Variants in TPCN1 observed in about 807,000 individuals in gnomAD.
The protein encoded by TPCN1 is two pore channel protein 1.
In TPCN1, 52 loss-of-function variants were observed where a neutral mutation model predicts 108.8. The ratio of observed to expected loss-of-function variants is 0.48; its 90% CI spans 0.38 to 0.60. The LOEUF is 0.60. Ranked by LOEUF, TPCN1 falls within the 20% of genes least tolerant of loss-of-function variation. The pLI is 0.00. For synonymous variants in TPCN1, 446 were observed against 433.7 expected, an observed-to-expected ratio of 1.03 and a Z score of -0.35; for missense variants, 806 against 1,072.8, an observed-to-expected ratio of 0.75 and a Z score of 3.47.
At chr12:113,262,744 A>G (rs938597179) in intron 3 of TPCN1, among the ~76,000 whole-genome samples, 2 of 152,170 alleles carry the variant, frequency 1.3e-5, no homozygotes, top group Non-Finnish European at 2.9e-5. Context: ...GAACATAGGA[A>G]CTTTAAGGGG....
At chr12:113,249,225 C>T (rs527770406) in intron 2 of TPCN1, among the ~76,000 whole-genome samples, 5 of 152,338 alleles carry the variant, frequency 3.3e-5, no homozygotes, top group South Asian at 4.1e-4. Context: ...ACCGTCTGTG[C>T]GAGAACCGGC....
Position 113,262,748 on chromosome 12 carries a change from T to C in TPCN1, c.237+2256T>C, listed in dbSNP as rs118034352. Among the ~76,000 whole-genome samples the C allele has an allele frequency of 1.1e-4, 16 of 152,242 alleles. 2 individuals are homozygous for C. In the East Asian group the frequency reaches 3.1e-3, roughly 29 times the overall value. On this transcript the variant is annotated intron_variant, in intron 3 of 27. Transcript: ENST00000335509. ...ACATTGGTAATGAACATAGGAACTT[T>C]AAGGGGGCACCTGCTAATCTTTGTA...
At chr12:113,293,220 G>A (rs575074639) in intron 26 of TPCN1, 49 bp from the exon 27 acceptor site, 20 of 1,608,406 alleles carry the variant, frequency 1.2e-5, no homozygotes, top group African/African-American at 5.3e-5. Flanking sequence ...CACCAGGGGT[G>A]GGACCTGAAT....
chr12:113,296,062 C>G lies in TPCN1; in HGVS notation c.2437C>G (p.Gln813Glu). The G allele has an allele frequency of 6.2e-7, 1 of 1,613,118 alleles. No individual in the cohort carries two copies. Among genetic ancestry groups the G allele is most frequent in the Middle Eastern group, 1.7e-4 (1 of 6,018 alleles). The change falls in exon 28 of 28, where the codon CAG (glutamine) becomes GAG (glutamate). Residue 813 changes from glutamine (Q) to glutamate (E), a missense_variant. Physicochemically the swap from Gln to Glu is conservative, Grantham distance 29 (BLOSUM62 2). Transcript: ENST00000335509. ...QQPPGSRQRS[Q>E]TVT ...GCCCCCAGGCAGCCGCCAGCGCTCC[C>G]AGACCGTTACCTAGCCCAGCGCCCG...
Position 113,284,776 on chromosome 12 carries a change from G to T in TPCN1, c.1453+5G>T. The T allele has an allele frequency of 6.2e-7, 1 of 1,614,142 alleles. No homozygotes were observed. Among genetic ancestry groups the T allele is most frequent in the Non-Finnish European group, 8.5e-7 (1 of 1,179,988 alleles). ...GTTACCTCGTCTTTCTAACTAGTAC[G>T]TTTCCGACATGGCTTTGCTGGACTG... On this transcript the variant is annotated splice_donor_5th_base_variant and intron_variant, in intron 17 of 27. Coordinates refer to ENST00000335509, the MANE Select transcript of TPCN1 (RefSeq NM_017901.6). This position sits in a 1 kb window ranked among gnomAD's most constrained non-coding sequence, Gnocchi z 4.1.
rs1956013883 is a variant in TPCN1 at position 113,284,877 on chromosome 12, A to G, written c.1453+106A>G. 1.6e-6 allele frequency: 2 copies of G among 1,272,100 alleles called. No homozygotes were observed. The highest frequency in any genetic ancestry group is 1.8e-5 in the Admixed American group (1 of 56,840). 78.8% of individuals were successfully genotyped at this position (1,272,100 alleles called of 1,614,324 possible). On this transcript the variant is annotated intron_variant, in intron 17 of 27. Coordinates refer to ENST00000335509, the MANE Select transcript of TPCN1 (RefSeq NM_017901.6). The surrounding 1 kb of genome is among the most constrained non-coding windows in gnomAD (Gnocchi z 4.1). ...GTTCTTCTCTAAAACAGGAAGCTAT[A>G]AAGAGACGGAGTAATCAGTCTGATT...
rs200160402 is a variant in TPCN1, at chr12:113,288,120, C to T, written c.1635-43C>T. 1.6e-4 allele frequency: 251 copies of T among 1,567,236 alleles called. No homozygotes were observed. Among genetic ancestry groups the T allele is most frequent in the African/African-American group, 1.1e-4 (8 of 74,240 alleles). On this transcript the variant is annotated intron_variant, in intron 19 of 27. Transcript: ENST00000335509. This position sits in a 1 kb window ranked among gnomAD's most constrained non-coding sequence, Gnocchi z 4.8. Reference sequence around the variant, plus strand: ...CATGTTCTGAGGGCGGGGGCTGAGGCGTGCACCTGTGTGTGGAGGTGACGG... The same window carrying T: ...CATGTTCTGAGGGCGGGGGCTGAGGTGTGCACCTGTGTGTGGAGGTGACGG...
At chr12:113,270,423 T>C (rs1057445502) in intron 7 of TPCN1, among the ~76,000 whole-genome samples, 1 of 152,004 alleles carries the variant, frequency 6.6e-6, no homozygotes, top group African/African-American at 2.4e-5. Context: ...TCTGGCTGTG[T>C]CCTCACGTGG....
chr12:113,266,268 A>G lies in TPCN1; in HGVS notation c.326A>G (p.Tyr109Cys). ...AYLFAHNHLF[Y>C]LMELATALLL... ...CTCTTTGCACACAATCACCTCTTCT[A>G]CCTGATGGAGCTGGCCACGGCCCTG... Residue 109 changes from tyrosine (Y) to cysteine (C), a missense_variant, in exon 4 of 28, where the codon TAC becomes TGC. Transcript: ENST00000335509. The surrounding 1 kb of genome is among the most constrained non-coding windows in gnomAD (Gnocchi z 4.2). 1 of 1,613,808 alleles carries G rather than the reference A, an allele frequency of 6.2e-7. No individual in the cohort carries two copies.
At position 113,291,855 on chromosome 12, in the gene TPCN1, C is replaced by T. The variant is rs369863236; in HGVS notation, c.2029-19C>T. 1.9e-6 allele frequency: 3 copies of T among 1,609,234 alleles called. No homozygotes were observed. Among genetic ancestry groups the T allele is most frequent in the African/African-American group, 2.7e-5 (2 of 74,852 alleles). ...CCCTCCTCCCCTGCCTCTGCCCCTC[C>T]CTCCCTATCCCTGGCCAGGTGGTGA... On this transcript the variant is annotated intron_variant, in intron 24 of 27. Transcript: ENST00000335509.
chr12:113,288,696 G>A lies in TPCN1; in HGVS notation c.1707-62G>A, dbSNP rs1956171087. 2 of 1,599,182 alleles carry A rather than the reference G, an allele frequency of 1.3e-6. No homozygotes were observed. Among genetic ancestry groups the A allele is most frequent in the Non-Finnish European group, 1.7e-6 (2 of 1,176,518 alleles). On this transcript the variant is annotated intron_variant, in intron 20 of 27. Transcript: ENST00000335509. The surrounding 1 kb of genome is among the most constrained non-coding windows in gnomAD (Gnocchi z 4.8). ...AGCCCCACGGGTCCGAGGAGGCCGG[G>A]GCTGCAGAGGAGCCGTTCCCTCCTG... is the stretch of plus-strand genomic sequence containing the variant.
intron 2 of TPCN1, chr12:113,244,418 A>G (rs1410122563): frequency 1.5e-5 from 15 of 985,370 alleles, no homozygotes; most frequent in Non-Finnish European, 1.8e-5. Context: ...AACGTGTGTC[A>G]ATAATGCGGG....
intron 15 of TPCN1, among the ~76,000 whole-genome samples, chr12:113,281,009 G>T (rs1486303540): frequency 6.6e-6 from 1 of 152,018 alleles, no homozygotes; most frequent in Non-Finnish European, 1.5e-5. Context: ...TAAGAATCTA[G>T]ATGTGTAAGA....
In TPCN1 at chr12:113,269,898, G is replaced by T. The variant is rs542525745; in HGVS notation, c.748+53G>T. On this transcript the variant is annotated intron_variant, in intron 7 of 27. Transcript: ENST00000335509. The surrounding 1 kb of genome is among the most constrained non-coding windows in gnomAD (Gnocchi z 5.0). Reference sequence around the variant, plus strand: ...GCGCTGGAAAAGCAAGTTCACGGTGGATGAAAAATTATTTTGGGCCTGGCT... The same window carrying T: ...GCGCTGGAAAAGCAAGTTCACGGTGTATGAAAAATTATTTTGGGCCTGGCT... 3.4e-5 allele frequency: 54 copies of T among 1,588,534 alleles called. No individual in the cohort carries two copies. In the East Asian group the frequency reaches 1.1e-3, roughly 32 times the overall value.
At chr12:113,249,298 T>A (rs1954536018) in intron 2 of TPCN1, among the ~76,000 whole-genome samples, 1 of 152,192 alleles carries the variant, frequency 6.6e-6, no homozygotes, top group African/African-American at 2.4e-5. Flanking sequence ...ATGCTGTCCA[T>A]CAGAAGAGAC....
chr12:113,258,091 A>G (rs1248548028), intron 2 of TPCN1, among the ~76,000 whole-genome samples: 1 of 152,222 alleles, frequency 6.6e-6, no homozygotes, highest in East Asian at 1.9e-4. Flanking sequence ...ACAGATATGC[A>G]CGTAGGTCAA....
At chr12:113,281,478 G>A (rs1423404763) in intron 15 of TPCN1, among the ~76,000 whole-genome samples, 1 of 152,190 alleles carries the variant, frequency 6.6e-6, no homozygotes, top group Admixed American at 6.5e-5. Context: ...GATAACAATT[G>A]CAAAGCAATC....
At chr12:113,278,912 G>A (rs1387583921) in intron 14 of TPCN1, 77 bp downstream of exon 14, 1 of 1,364,608 alleles carries the variant, frequency 7.3e-7, no homozygotes, top group African/African-American at 1.4e-5. Flanking sequence ...ATAAGCGTCT[G>A]AGGAGAGGTT....
chr12:113,245,493 C>G (rs374013733), intron 2 of TPCN1, among the ~76,000 whole-genome samples: 2 of 132,178 alleles, frequency 1.5e-5, no homozygotes, highest in South Asian at 5.2e-4. Context: ...CCCAGCTACT[C>G]GGGAGGCTGA....
Sources: gnomAD v4.1 joint callset for allele counts (sites outside exome capture counted in the v4.1 genomes callset) on GRCh38, gnomAD v4.1.1 for gene constraint, Gnocchi (gnomAD v3.1) non-coding constraint, MANE v1.5 for transcripts, NCBI Gene and HGNC (gene_info 2026-07-23, HGNC 2026-07-21) for gene names.